GPM6A: variants seen among roughly 807,000 people sequenced by gnomAD.
The protein encoded by GPM6A is glycoprotein M6A, also known as neuronal membrane glycoprotein M6-a.
A neutral mutation model predicts 32.1 loss-of-function variants in GPM6A; 7 were observed. The ratio of observed to expected loss-of-function variants is 0.22; its 90% CI spans 0.12 to 0.41. The LOEUF is 0.41. GPM6A is among the 10% of genes least tolerant of loss of function. The pLI, the probability that GPM6A is intolerant of heterozygous loss-of-function variation, is 1.00. For synonymous variants in GPM6A, 130 were observed against 123.4 expected, an observed-to-expected ratio of 1.05 and a Z score of -0.35; for missense variants, 235 against 347.2, an observed-to-expected ratio of 0.68 and a Z score of 2.57.
At chr4:175,932,836 T>C (rs1272935213) in intron 1 of GPM6A, among the ~76,000 whole-genome samples, 1 of 151,840 alleles carries the variant, frequency 6.6e-6, no homozygotes, top group East Asian at 1.9e-4. Flanking sequence ...TAAAATATGG[T>C]TGATAAGAAA....
At chr4:175,979,560 C>A (rs1740762644) in intron 1 of GPM6A, among the ~76,000 whole-genome samples, 2 of 152,016 alleles carry the variant, frequency 1.3e-5, no homozygotes, top group South Asian at 2.1e-4. Flanking sequence ...GTGCAACAAA[C>A]CTGCATGTTG....
chr4:175,881,219 T>A (rs1029350080), intron 1 of GPM6A, among the ~76,000 whole-genome samples: 1 of 152,192 alleles, frequency 6.6e-6, no homozygotes, highest in African/African-American at 2.4e-5. Flanking sequence ...AAGACATTAA[T>A]GCAGCCAACA....
At chr4:175,668,826 A>G (rs571386413) in intron 3 of GPM6A, among the ~76,000 whole-genome samples, 8 of 152,194 alleles carry the variant, frequency 5.3e-5, no homozygotes, top group Non-Finnish European at 1.2e-4. Context: ...AAGATGCAAA[A>G]CAGAAAATGA....
intron 1 of GPM6A, among the ~76,000 whole-genome samples, chr4:175,980,284 G>A (rs1579683173): frequency 6.6e-6 from 1 of 152,186 alleles, no homozygotes; most frequent in Non-Finnish European, 1.5e-5. Context: ...TTGAGCCACA[G>A]GGATGGAGAT....
chr4:175,909,469 G>T (rs1738246019), intron 1 of GPM6A, among the ~76,000 whole-genome samples: 1 of 152,066 alleles, frequency 6.6e-6, no homozygotes, highest in African/African-American at 2.4e-5. Context: ...TAATATATTT[G>T]TTTATAAATA....
At chr4:175,751,343 T>G (rs1732328216) in intron 1 of GPM6A, among the ~76,000 whole-genome samples, 1 of 152,116 alleles carries the variant, frequency 6.6e-6, no homozygotes, top group African/African-American at 2.4e-5. Flanking sequence ...ATCAGTAAAA[T>G]TATTTTCTTA....
intron 1 of GPM6A, among the ~76,000 whole-genome samples, chr4:175,733,468 A>G (rs1299200835): frequency 6.6e-6 from 1 of 152,196 alleles, no homozygotes; most frequent in East Asian, 1.9e-4. Flanking sequence ...GCGCCACTGC[A>G]CTACAGCCTA....
intron 1 of GPM6A, chr4:175,806,846 TTCTC>T (rs1287150594): frequency 2.6e-5 from 4 of 152,214 alleles, no homozygotes; most frequent in African/African-American, 9.6e-5. Flanking sequence ...TAAAATCTGA[TTCTC>T]TATGTTTCTT....
intron 1 of GPM6A, among the ~76,000 whole-genome samples, chr4:175,896,453 G>A (rs143885925): frequency 6.6e-6 from 1 of 152,092 alleles, no homozygotes; most frequent in East Asian, 1.9e-4. Context: ...CTGAGATCCA[G>A]ACATGTCTGC....
At chr4:175,679,542 A>G (rs963451983) in intron 2 of GPM6A, among the ~76,000 whole-genome samples, 1 of 152,148 alleles carries the variant, frequency 6.6e-6, no homozygotes, top group African/African-American at 2.4e-5. Context: ...CCCCAATGTT[A>G]GCACCCCATC....
At chr4:175,668,429 G>GAAAAA (rs146739589) in intron 3 of GPM6A, among the ~76,000 whole-genome samples, 1 of 150,554 alleles carries the variant, frequency 6.6e-6, no homozygotes, top group Non-Finnish European at 1.5e-5. Context: ...TTAAAATCTG[G>GAAAAA]AAAAAAAAAT....
intron 1 of GPM6A, among the ~76,000 whole-genome samples, chr4:175,914,717 G>C (rs894252256): frequency 6.6e-6 from 1 of 151,258 alleles, no homozygotes; most frequent in African/African-American, 2.4e-5. Flanking sequence ...AAGATAAGCA[G>C]TTAGTTTACA....
intron 1 of GPM6A, among the ~76,000 whole-genome samples, chr4:175,770,292 C>T (rs1256228188): frequency 6.6e-6 from 1 of 152,178 alleles, no homozygotes; most frequent in Non-Finnish European, 1.5e-5. Context: ...TCCCAAAGTG[C>T]TGGGGTTACA....
intron 1 of GPM6A, among the ~76,000 whole-genome samples, chr4:175,880,144 A>C (rs912731147): frequency 2.0e-5 from 3 of 152,172 alleles, no homozygotes; most frequent in African/African-American, 7.2e-5. Context: ...TAAATAGGGA[A>C]TCCTTTCCTC....
At chr4:175,680,257 AG>A (rs1472801979) in intron 2 of GPM6A, among the ~76,000 whole-genome samples, 3 of 152,186 alleles carry the variant, frequency 2.0e-5, no homozygotes, top group African/African-American at 7.2e-5. Context: ...CTATCGCTAC[AG>A]GGATTTTTAT....
intron 1 of GPM6A, among the ~76,000 whole-genome samples, chr4:175,753,056 C>A (rs1170580528): frequency 6.6e-6 from 1 of 152,164 alleles, no homozygotes; most frequent in African/African-American, 2.4e-5. Context: ...AGAGTTAAAA[C>A]CCACAGGGAT....
intron 1 of GPM6A, among the ~76,000 whole-genome samples, chr4:175,995,425 A>G (rs1168930871): frequency 6.6e-6 from 1 of 151,382 alleles, no homozygotes; most frequent in Non-Finnish European, 1.5e-5. Flanking sequence ...AGCACAATAC[A>G]GTGAAGTGCA....
chr4:175,908,931 C>T (rs1330613259), intron 1 of GPM6A, among the ~76,000 whole-genome samples: 3 of 149,514 alleles, frequency 2.0e-5, no homozygotes, highest in Non-Finnish European at 1.5e-5. Context: ...ATACCCTATC[C>T]GTAAAAGCAC....
chr4:175,786,499 G>A (rs992367899), intron 1 of GPM6A, among the ~76,000 whole-genome samples: 10 of 151,492 alleles, frequency 6.6e-5, no homozygotes, highest in Non-Finnish European at 1.3e-4. Flanking sequence ...ATCCCCATAT[G>A]GTGTCTTAAT....
Sources: gnomAD v4.1 joint callset for allele counts (sites outside exome capture counted in the v4.1 genomes callset) on GRCh38, gnomAD v4.1.1 for gene constraint, MANE v1.5 for transcripts, NCBI Gene and HGNC (gene_info 2026-07-23, HGNC 2026-07-21) for gene names.